N4BP2L2: variants seen among roughly 807,000 people sequenced by gnomAD.
N4BP2L2 encodes NEDD4-binding protein 2-like 2.
A neutral mutation model predicts 56.2 loss-of-function variants in N4BP2L2; 50 were observed. The observed-to-expected ratio is 0.89, with a 90% CI of 0.71 to 1.13. The LOEUF (loss-of-function observed/expected upper bound fraction) is 1.13. Among genes scored for constraint, N4BP2L2 ranks in the 50% most tolerant of loss-of-function variants. The pLI, the probability that N4BP2L2 is intolerant of heterozygous loss-of-function variation, is 0.00. For missense variants in N4BP2L2, 689 were observed against 693.8 expected, an observed-to-expected ratio of 0.99 and a Z score of 0.08; for synonymous variants, 203 against 223.6, an observed-to-expected ratio of 0.91 and a Z score of 0.82.
intron 7 of N4BP2L2, among the ~76,000 whole-genome samples, chr13:32,439,478 A>T (rs946621080): frequency 3.9e-5 from 6 of 152,116 alleles, no homozygotes; most frequent in African/African-American, 1.4e-4. Context: ...TAAGGCAGTG[A>T]TTGCTAATCT....
chr13:32,533,515 ATTTTTTTTTTT>A (rs766383227), intron 2 of N4BP2L2, among the ~76,000 whole-genome samples: 1 of 122,288 alleles, frequency 8.2e-6, no homozygotes, highest in East Asian at 2.3e-4. Context: ...AGCATTACTA[ATTTTTTTTTTT>A]TTTTTTTTTT....
intron 6 of N4BP2L2, among the ~76,000 whole-genome samples, chr13:32,449,749 T>C (rs2077601138): frequency 6.6e-6 from 1 of 152,164 alleles, no homozygotes; most frequent in Non-Finnish European, 1.5e-5. Context: ...ACAAAAGCAA[T>C]CTTATAAATT....
At chr13:32,494,444 C>T (rs1346029560) in intron 6 of N4BP2L2, among the ~76,000 whole-genome samples, 2 of 152,028 alleles carry the variant, frequency 1.3e-5, no homozygotes, top group South Asian at 2.1e-4. Flanking sequence ...ATAAATAGCA[C>T]CTCATTCACA....
intron 8 of N4BP2L2, among the ~76,000 whole-genome samples, chr13:32,437,890 T>C (rs989670503): frequency 1.3e-5 from 2 of 152,230 alleles, no homozygotes; most frequent in Non-Finnish European, 2.9e-5. Context: ...AACATGCCTA[T>C]ATTATCCACT....
chr13:32,497,628 C>T (rs2089026128), intron 6 of N4BP2L2, among the ~76,000 whole-genome samples: 1 of 152,314 alleles, frequency 6.6e-6, no homozygotes, highest in East Asian at 1.9e-4. Context: ...GCAGTGCCTC[C>T]CAAAGAGCAG....
In N4BP2L2 at chr13:32,447,189, A is replaced by G. The variant is rs534728009; in HGVS notation, c.366-3063T>C. 1.4e-3 allele frequency among the ~76,000 whole-genome samples: 211 copies of G among 152,336 alleles called. 2 individuals carry two copies. The highest frequency in any genetic ancestry group is 3.4e-3 in the Middle Eastern group (1 of 294). ...CCTGACTCCTGTTATCACTAACTTA[A>G]TAGTATCTTGACACTTTTCTTCTGT... On this transcript the variant is annotated intron_variant, in intron 6 of 9. Transcript: ENST00000357505.
intron 8 of N4BP2L2, among the ~76,000 whole-genome samples, chr13:32,438,232 T>C (rs970591588): frequency 1.3e-5 from 2 of 152,174 alleles, no homozygotes; most frequent in Non-Finnish European, 2.9e-5. Context: ...CCATAGCTTG[T>C]ACAATGGAAT....
chr13:32,443,988 C>G, exon 7 of N4BP2L2: 1 of 1,607,654 alleles, frequency 6.2e-7, no homozygotes, highest in Non-Finnish European at 8.5e-7. Context: ...CCTGATCTCC[C>G]GGTGTAAGAT....
chr13:32,501,683 T>C (rs541106677), intron 6 of N4BP2L2, among the ~76,000 whole-genome samples: 20 of 151,950 alleles, frequency 1.3e-4, no homozygotes, highest in African/African-American at 4.6e-4. Flanking sequence ...GGAGTGGTGG[T>C]GGGCACCCGT....
chr13:32,536,507 T>G, exon 2 of N4BP2L2: 1 of 1,613,388 alleles, frequency 6.2e-7, no homozygotes, highest in Non-Finnish European at 8.5e-7. Flanking sequence ...TTTGTAAAAC[T>G]GGAATAATTC....
At chr13:32,495,202 A>G (rs1371203488) in intron 6 of N4BP2L2, among the ~76,000 whole-genome samples, 1 of 152,222 alleles carries the variant, frequency 6.6e-6, no homozygotes, top group Non-Finnish European at 1.5e-5. Context: ...TTCAGCCAGT[A>G]TACTCTTACG....
intron 6 of N4BP2L2, among the ~76,000 whole-genome samples, chr13:32,492,070 T>C (rs2087235044): frequency 6.6e-6 from 1 of 152,090 alleles, no homozygotes; most frequent in South Asian, 2.1e-4. Context: ...CTCTGACAAC[T>C]TGAAAAGCAA....
chr13:32,473,018 C>T (rs1231078238), intron 6 of N4BP2L2, among the ~76,000 whole-genome samples: 4 of 152,224 alleles, frequency 2.6e-5, no homozygotes, highest in South Asian at 2.1e-4. Flanking sequence ...CGGTGGCTCA[C>T]GCCTGTAATC....
exon 6 of N4BP2L2, chr13:32,517,081 C>G: frequency 2.0e-6 from 2 of 977,622 alleles, no homozygotes; most frequent in Non-Finnish European, 2.4e-6. Context: ...TTAAATTGAA[C>G]AGAGAGAAGT....
Position 32,491,659 on chromosome 13 carries a change from TCTAA to T in N4BP2L2, c.365+26194_365+26197del, listed in dbSNP as rs1487208744. On this transcript the variant is annotated intron_variant, in intron 6 of 9. Coordinates refer to the N4BP2L2 transcript ENST00000357505. Reference sequence around the variant, plus strand: ...TATTTTTTTTTTTTTTGAGACGGAGTCTAACTATGTCGCCCAGGCTGGAGTGCAG... The same window carrying T: ...TATTTTTTTTTTTTTTGAGACGGAGTCTATGTCGCCCAGGCTGGAGTGCAG... 4.1e-5 allele frequency among the ~76,000 whole-genome samples: 6 copies of T among 146,024 alleles called. No individual in the cohort carries two copies. In the South Asian group the frequency reaches 6.4e-4, roughly 16 times the overall value.
Position 32,497,139 on chromosome 13 carries a change from G to A in N4BP2L2, c.365+20718C>T, listed in dbSNP as rs1454340781. On this transcript the variant is annotated intron_variant, in intron 6 of 9. Coordinates refer to the N4BP2L2 transcript ENST00000357505. ...AACCTGCCATCCCTTTCAAATGGAT[G>A]TATTCACTTTCAGAGTGAGGTTCAG... 6.6e-5 allele frequency among the ~76,000 whole-genome samples: 10 copies of A among 152,332 alleles called. 2 individuals are homozygous for A. The highest frequency in any genetic ancestry group is 5.9e-4 in the Admixed American group (9 of 15,306).
intron 6 of N4BP2L2, among the ~76,000 whole-genome samples, chr13:32,467,149 A>C (rs927937223): frequency 6.6e-6 from 1 of 152,214 alleles, no homozygotes; most frequent in Non-Finnish European, 1.5e-5. Flanking sequence ...TAACCTATTA[A>C]AAATATATCT....
chr13:32,536,019 A>G (rs752295501), exon 2 of N4BP2L2: 1 of 1,614,010 alleles, frequency 6.2e-7, no homozygotes, highest in African/African-American at 1.3e-5. Flanking sequence ...CAGTCAGTAT[A>G]TTCATTGTTC....
intron 2 of N4BP2L2, among the ~76,000 whole-genome samples, chr13:32,534,350 T>C (rs1419531047): frequency 1.3e-5 from 2 of 152,164 alleles, no homozygotes; most frequent in Non-Finnish European, 2.9e-5. Context: ...CAATATGTTG[T>C]CTCAAATCTA....
Sources: gnomAD v4.1 joint callset for allele counts (sites outside exome capture counted in the v4.1 genomes callset) on GRCh38, gnomAD v4.1.1 for gene constraint, MANE v1.5 for transcripts, NCBI Gene and HGNC (gene_info 2026-07-23, HGNC 2026-07-21) for gene names.